Variants in LRRTM4 observed in about 807,000 individuals in gnomAD.
LRRTM4 encodes leucine rich repeat transmembrane neuronal 4.
A neutral mutation model predicts 47.6 loss-of-function variants in LRRTM4; 25 were observed. That is an observed-to-expected ratio of 0.53 (90% CI 0.38 to 0.73). The LOEUF (loss-of-function observed/expected upper bound fraction) is 0.73, where lower values mean the gene tolerates loss of function less well. Ranked by LOEUF, LRRTM4 falls within the 30% of genes least tolerant of loss-of-function variation. The pLI is 0.00. For missense variants in LRRTM4, 638 were observed against 713.4 expected, an observed-to-expected ratio of 0.89 and a Z score of 1.20; for synonymous variants, 311 against 269.5, an observed-to-expected ratio of 1.15 and a Z score of -1.51.
chr2:77,449,705 C>T (rs1676183550), intron 3 of LRRTM4, among the ~76,000 whole-genome samples: 3 of 152,220 alleles, frequency 2.0e-5, no homozygotes, highest in African/African-American at 7.2e-5. Context: ...GCAACTGTAT[C>T]TTGTCTAGTG....
chr2:76,961,289 C>G (rs753200456), intron 3 of LRRTM4, among the ~76,000 whole-genome samples: 1 of 151,222 alleles, frequency 6.6e-6, no homozygotes, highest in Non-Finnish European at 1.5e-5. Flanking sequence ...AATGATTTGT[C>G]CATATCATCG....
chr2:76,948,497 G>C (rs1675396793), intron 3 of LRRTM4, among the ~76,000 whole-genome samples: 1 of 151,534 alleles, frequency 6.6e-6, no homozygotes, highest in African/African-American at 2.4e-5. Context: ...ATATTTTTTT[G>C]ATATCCATTT....
At chr2:76,995,081 G>A (rs1446723) in intron 3 of LRRTM4, among the ~76,000 whole-genome samples, 76,084 of 151,274 alleles carry the variant, frequency 0.5, 19,784 homozygotes, top group African/African-American at 0.63. Context: ...ATTTGACTCA[G>A]GAAACTGAAC....
intron 3 of LRRTM4, among the ~76,000 whole-genome samples, chr2:77,076,579 C>T (rs1680344350): frequency 6.6e-6 from 1 of 152,086 alleles, no homozygotes; most frequent in African/African-American, 2.4e-5. Flanking sequence ...TGTTATGTTT[C>T]TTCGGGGAAT....
At chr2:77,057,178 C>T (rs1203593141) in intron 3 of LRRTM4, among the ~76,000 whole-genome samples, 1 of 152,026 alleles carries the variant, frequency 6.6e-6, no homozygotes, top group Non-Finnish European at 1.5e-5. Flanking sequence ...TACCATGGTT[C>T]AGAAAGATTA....
At chr2:77,482,337 G>A (rs1558764469) in intron 3 of LRRTM4, among the ~76,000 whole-genome samples, 1 of 152,016 alleles carries the variant, frequency 6.6e-6, no homozygotes, top group African/African-American at 2.4e-5. Flanking sequence ...AGATTTTTGA[G>A]ACTTCACGAA....
chr2:76,786,256 A>G (rs4853271), intron 3 of LRRTM4, among the ~76,000 whole-genome samples: 60,778 of 151,530 alleles, frequency 0.4, 13,484 homozygotes, highest in Non-Finnish European at 0.51. Context: ...TTACAGCAAT[A>G]TTTTCCAATT....
chr2:76,786,276 A>G (rs1674665419), intron 3 of LRRTM4, among the ~76,000 whole-genome samples: 1 of 152,164 alleles, frequency 6.6e-6, no homozygotes, highest in African/African-American at 2.4e-5. Flanking sequence ...TGATCAATTT[A>G]AGTTTGAAAA....
chr2:76,807,558 T>G (rs1364182450), intron 3 of LRRTM4, among the ~76,000 whole-genome samples: 3 of 140,268 alleles, frequency 2.1e-5, no homozygotes, highest in Admixed American at 2.1e-4. Context: ...ATAATCATGA[T>G]TTTCTATTTA....
chr2:77,230,175 C>T (rs1256609635), intron 3 of LRRTM4, among the ~76,000 whole-genome samples: 1 of 152,020 alleles, frequency 6.6e-6, no homozygotes, highest in Non-Finnish European at 1.5e-5. Flanking sequence ...AAGTCATATC[C>T]TTTGCATTCT....
At chr2:77,258,906 A>G (rs1375513817) in intron 3 of LRRTM4, among the ~76,000 whole-genome samples, 1 of 152,152 alleles carries the variant, frequency 6.6e-6, no homozygotes, top group Admixed American at 6.6e-5. Context: ...TTAAAACAAA[A>G]CAAAAACAAA....
At chr2:77,325,433 A>T (rs1346430032) in intron 3 of LRRTM4, among the ~76,000 whole-genome samples, 1 of 152,172 alleles carries the variant, frequency 6.6e-6, no homozygotes, top group Non-Finnish European at 1.5e-5. Context: ...TCAAGTTGTC[A>T]CTTAGCTATA....
At chr2:77,189,165 G>A (rs1387596207) in intron 3 of LRRTM4, among the ~76,000 whole-genome samples, 1 of 151,826 alleles carries the variant, frequency 6.6e-6, no homozygotes, top group African/African-American at 2.4e-5. Context: ...TGAATAAAAA[G>A]TAAAACCTAC....
intron 3 of LRRTM4, among the ~76,000 whole-genome samples, chr2:76,948,707 C>T (rs1425435637): frequency 1.3e-5 from 2 of 151,692 alleles, no homozygotes; most frequent in African/African-American, 4.8e-5. Context: ...AATAATATTA[C>T]AATAGCAACT....
rs377348538 is a variant in LRRTM4 at position 77,003,346 on chromosome 2, T to C, written c.1552-254430A>G. On this transcript the variant is annotated intron_variant, in intron 3 of 3. Coordinates refer to ENST00000409884, the MANE Select transcript of LRRTM4 (RefSeq NM_001134745.3). ...CTTATAATATACTAGGAAGTTGATA[T>C]GTATTGGCTCTGCACCCCCACCGAA... Among the ~76,000 whole-genome samples the C allele has an allele frequency of 2.0e-5, 3 of 152,126 alleles. No individual in the cohort carries two copies. In the South Asian group the frequency reaches 6.2e-4, roughly 32 times the overall value.
At chr2:76,977,786 G>A (rs1159420504) in intron 3 of LRRTM4, among the ~76,000 whole-genome samples, 2 of 151,940 alleles carry the variant, frequency 1.3e-5, no homozygotes, top group African/African-American at 2.4e-5. Context: ...CTAAAGCATA[G>A]GGAATGTAGA....
In LRRTM4 at chr2:77,354,403, C is replaced by T. The variant is rs531724049; in HGVS notation, c.1551+163915G>A. Among the ~76,000 whole-genome samples the T allele has an allele frequency of 4.8e-4, 70 of 147,096 alleles. 1 individual carries two copies. In the South Asian group the frequency reaches 0.015, roughly 31 times the overall value. On this transcript the variant is annotated intron_variant, in intron 3 of 3. Transcript: ENST00000409884. ...CTTCTTAAAATGTAGATATCTTAGA[C>T]GTACTTCCTAGAAATTGTATTTATT...
intron 3 of LRRTM4, among the ~76,000 whole-genome samples, chr2:77,499,536 A>G (rs1678492628): frequency 6.6e-6 from 1 of 151,934 alleles, no homozygotes. Flanking sequence ...TAGTTCTGCA[A>G]TGATTTTAGT....
Position 77,518,796 on chromosome 2 carries a change from TTA to T in LRRTM4, c.1071_1072del (p.Tyr357Ter). The T allele has an allele frequency of 6.2e-7, 1 of 1,612,526 alleles. No individual in the cohort carries two copies. The highest frequency in any genetic ancestry group is 8.5e-7 in the Non-Finnish European group (1 of 1,179,224). The stretch of plus-strand genomic sequence containing the variant: ...GACCACCTGGACTTCAGAACAGATA[TTA>T]TATGTTTCCACTGCATCACTAACCT... On this transcript the variant is annotated stop_gained and frameshift_variant, in exon 3 of 4. Transcript: ENST00000409884. LOFTEE classifies it high-confidence loss of function.
Sources: gnomAD v4.1 joint callset for allele counts (sites outside exome capture counted in the v4.1 genomes callset) on GRCh38, gnomAD v4.1.1 for gene constraint, MANE v1.5 for transcripts, NCBI Gene and HGNC (gene_info 2026-07-23, HGNC 2026-07-21) for gene names.